PAPLN: variants seen among roughly 807,000 people sequenced by gnomAD.
The protein encoded by PAPLN is papilin.
A neutral mutation model predicts 159.0 loss-of-function variants in PAPLN; 146 were observed. That is an observed-to-expected ratio of 0.92 (90% CI 0.80 to 1.05). The LOEUF is 1.05. PAPLN is among the 50% of genes least tolerant of loss of function. The pLI is 0.00. For missense variants in PAPLN, 1,720 were observed against 1,743.9 expected, an observed-to-expected ratio of 0.99 and a Z score of 0.24; for synonymous variants, 734 against 702.9, an observed-to-expected ratio of 1.04 and a Z score of -0.70.
chr14:73,253,428 C>T (rs1281388064), intron 11 of PAPLN, among the ~76,000 whole-genome samples: 1 of 152,172 alleles, frequency 6.6e-6, no homozygotes, highest in Non-Finnish European at 1.5e-5. Flanking sequence ...AGGAGCTGCC[C>T]CTTGACTAAG....
chr14:73,261,350 C>A (rs569367065), intron 18 of PAPLN, 56 bp downstream of exon 18: 3 of 1,577,844 alleles, frequency 1.9e-6, no homozygotes, highest in African/African-American at 1.4e-5. Flanking sequence ...TCCCACCATG[C>A]CTCCAGCCCC....
In PAPLN at chr14:73,252,156, G is replaced by C. The variant is rs1885354286; in HGVS notation, c.967+15G>C. On this transcript the variant is annotated intron_variant, in intron 10 of 26. Transcript: ENST00000644200. Reference sequence around the variant, plus strand: ...GTGTGGCGGAGGTGCGGGCGTGGATGGCCCAGGGGAGGGCATGGGCCCTGT... The same window carrying C: ...GTGTGGCGGAGGTGCGGGCGTGGATCGCCCAGGGGAGGGCATGGGCCCTGT... 1.3e-6 allele frequency: 2 copies of C among 1,583,244 alleles called. No homozygotes were observed. Among genetic ancestry groups the C allele is most frequent in the African/African-American group, 2.7e-5 (2 of 74,476 alleles).
intron 11 of PAPLN, 117 bp downstream of exon 11, chr14:73,252,892 C>A (rs1290495950): frequency 2.9e-5 from 43 of 1,488,632 alleles, no homozygotes; most frequent in Non-Finnish European, 3.7e-5. Context: ...CAGGGCCCCC[C>A]ACGCTGTGGC....
At chr14:73,266,965 G>GT (rs1160942519) in intron 25 of PAPLN, 134 bp downstream of exon 25, 127 of 816,196 alleles carry the variant, frequency 1.6e-4, no homozygotes, top group Non-Finnish European at 2.2e-4. Flanking sequence ...CCAGGGGAGA[G>GT]GGCTGCAGCA....
chr14:73,254,851 C>T, intron 13 of PAPLN, 26 bp from the exon 14 acceptor site: 1 of 1,608,850 alleles, frequency 6.2e-7, no homozygotes, highest in Non-Finnish European at 8.5e-7. Context: ...CTCAGCATCT[C>T]TCTCTCTCCC....
chr14:73,241,743 A>T (rs1284339097), intron 2 of PAPLN, among the ~76,000 whole-genome samples: 1 of 152,226 alleles, frequency 6.6e-6, no homozygotes, highest in Non-Finnish European at 1.5e-5. Flanking sequence ...TGGATCACTT[A>T]TGCTGTCAGC....
At chr14:73,237,785 C>T (rs939208256) in intron 1 of PAPLN, among the ~76,000 whole-genome samples, 193 bp downstream of exon 1, 1 of 152,156 alleles carries the variant, frequency 6.6e-6, no homozygotes, top group Non-Finnish European at 1.5e-5. Flanking sequence ...CACCGCGCGC[C>T]CCCCGGCCTG....
intron 1 of PAPLN, among the ~76,000 whole-genome samples, chr14:73,237,981 C>G (rs1249379728): frequency 6.6e-6 from 1 of 152,148 alleles, no homozygotes; most frequent in African/African-American, 2.4e-5. Context: ...TCCGGGAGCC[C>G]CAGCGGCTGC....
intron 8 of PAPLN, 32 bp downstream of exon 8, chr14:73,251,598 C>G (rs1397915019): frequency 1.2e-6 from 2 of 1,613,214 alleles, no homozygotes; most frequent in East Asian, 2.2e-5. Flanking sequence ...CTAGGCAGGT[C>G]TGGGGCTGCA....
intron 21 of PAPLN, 71 bp downstream of exon 21, chr14:73,264,406 G>T: frequency 7.7e-6 from 12 of 1,567,178 alleles, no homozygotes; most frequent in Non-Finnish European, 1.0e-5. Flanking sequence ...TGGGGAGCCT[G>T]ACCGAGGGCT....
At chr14:73,252,409 C>T (rs1290814410) in intron 10 of PAPLN, among the ~76,000 whole-genome samples, 1 of 164 alleles carries the variant, frequency 6.1e-3, no homozygotes, top group Non-Finnish European at 0.011. Flanking sequence ...CCCTCAGGAC[C>T]GGAGCTGGGC....
At chr14:73,247,796 CCGTGTG>C (rs140864115) in intron 5 of PAPLN, among the ~76,000 whole-genome samples, 19,074 of 60,280 alleles carry the variant, frequency 0.32, 5,552 homozygotes, top group Non-Finnish European at 0.35. Flanking sequence ...GTCTCTTATC[CCGTGTG>C]TGTGTGTGTG....
chr14:73,262,188 A>C, intron 18 of PAPLN, 162 bp from the exon 19 acceptor site: 1 of 726,738 alleles, frequency 1.4e-6, no homozygotes, highest in Non-Finnish European at 2.3e-6. Context: ...CTCTGGTGGA[A>C]GCATCCTGGA....
In PAPLN at chr14:73,268,542, TC is replaced by T; in HGVS notation, c.3501-13del. The T allele has an allele frequency of 6.2e-7, 1 of 1,606,264 alleles. No homozygotes were observed. The highest frequency in any genetic ancestry group is 8.5e-7 in the Non-Finnish European group (1 of 1,175,862). ...GAGGCCCTTGATGGCTCTCCCAGTG[TC>T]CTCTCTCCTCCAGGAACGGGCTACC... On this transcript the variant is annotated splice_polypyrimidine_tract_variant and intron_variant, in intron 25 of 26. Coordinates refer to ENST00000644200, the MANE Select transcript of PAPLN (RefSeq NM_001365906.3).
intron 5 of PAPLN, 47 bp downstream of exon 5, chr14:73,246,222 C>G: frequency 7.0e-7 from 1 of 1,438,642 alleles, no homozygotes; most frequent in Non-Finnish European, 9.3e-7. Context: ...TGTATACCTA[C>G]GTTGATGCCA....
At chr14:73,248,800 C>T (rs1006174523) in intron 5 of PAPLN, among the ~76,000 whole-genome samples, 6 of 151,454 alleles carry the variant, frequency 4.0e-5, no homozygotes, top group South Asian at 2.1e-4. Context: ...CCAGCCCGGA[C>T]GACAGAGTGA....
At chr14:73,258,785 T>C (rs909541259) in intron 14 of PAPLN, among the ~76,000 whole-genome samples, 194 bp from the exon 15 acceptor site, 2 of 152,124 alleles carry the variant, frequency 1.3e-5, no homozygotes, top group African/African-American at 4.8e-5. Context: ...TCTGTGTGAC[T>C]GGAGACTTTT....
intron 5 of PAPLN, among the ~76,000 whole-genome samples, chr14:73,247,755 C>T (rs866039444): frequency 4.8e-5 from 4 of 84,074 alleles, no homozygotes; most frequent in Admixed American, 1.6e-4. Flanking sequence ...TGTGTTGTGC[C>T]GATAGTGGCA....
rs566518338 is a variant in PAPLN, at chr14:73,239,762, G to C, written c.-6-11G>C. 23 of 1,584,702 alleles carry C rather than the reference G, an allele frequency of 1.5e-5. No individual in the cohort carries two copies. The East Asian group carries it at 3.2e-4, about 22-fold the overall frequency. On this transcript the variant is annotated splice_polypyrimidine_tract_variant and intron_variant, in intron 1 of 26. Coordinates refer to ENST00000644200, the MANE Select transcript of PAPLN (RefSeq NM_001365906.3). ...GCCCCGGGCCGCTCTAACCCAATGC[G>C]TCTCCCGCAGGCTGAGATGCGGCTG...
Sources: allele counts gnomAD v4.1 joint callset (sites outside exome capture counted in the v4.1 genomes callset), GRCh38; gene constraint gnomAD v4.1.1; transcripts MANE v1.5; gene names NCBI Gene and HGNC (gene_info 2026-07-23, HGNC 2026-07-21).